VAC14: variants seen among roughly 807,000 people sequenced by gnomAD.
VAC14 encodes the protein protein VAC14 homolog.
A neutral mutation model predicts 85.3 loss-of-function variants in VAC14; 47 were observed. The observed-to-expected ratio is 0.55, with a 90% CI of 0.44 to 0.70. VAC14 has a LOEUF of 0.70. Ranked by LOEUF, VAC14 falls within the 30% of genes least tolerant of loss-of-function variation. The pLI, the probability that VAC14 is intolerant of heterozygous loss-of-function variation, is 0.00. For missense variants in VAC14, 861 were observed against 1,004.3 expected (o/e 0.86, Z 1.93); for synonymous variants, 447 against 430.5 (o/e 1.04, Z -0.47).
chr16:70,788,023 T>G (rs2034149881), intron 1 of VAC14, among the ~76,000 whole-genome samples: 1 of 152,242 alleles, frequency 6.6e-6, no homozygotes, highest in African/African-American at 2.4e-5. Flanking sequence ...CTGCAGGCAC[T>G]CTCTCTCCTT....
intron 1 of VAC14, among the ~76,000 whole-genome samples, chr16:70,791,669 G>A (rs1021125847): frequency 1.7e-4 from 26 of 152,204 alleles, no homozygotes; most frequent in African/African-American, 6.3e-4. Context: ...ATAGGCATGA[G>A]CCACCATGCC....
intron 13 of VAC14, among the ~76,000 whole-genome samples, chr16:70,735,694 G>C (rs529137745): frequency 6.6e-6 from 1 of 152,218 alleles, no homozygotes; most frequent in Non-Finnish European, 1.5e-5. Flanking sequence ...GAACCTCCTA[G>C]ACAGCTCGCG....
At chr16:70,764,492 G>A (rs377556501) in intron 10 of VAC14, among the ~76,000 whole-genome samples, 5 of 152,142 alleles carry the variant, frequency 3.3e-5, no homozygotes, top group African/African-American at 1.2e-4. Context: ...CACTGGCCCC[G>A]TCAATCTCTT....
intron 9 of VAC14, among the ~76,000 whole-genome samples, chr16:70,780,356 T>A (rs1201557413): frequency 3.9e-5 from 6 of 152,180 alleles, no homozygotes; most frequent in Admixed American, 6.5e-5. Context: ...GCCAGGCTTC[T>A]TGGTGGCTGG....
At chr16:70,742,208 C>T (rs2030391068) in intron 13 of VAC14, among the ~76,000 whole-genome samples, 1 of 152,184 alleles carries the variant, frequency 6.6e-6, no homozygotes, top group Non-Finnish European at 1.5e-5. Context: ...GCTGTGGCGC[C>T]TGCTTCCTGG....
chr16:70,750,699 C>A (rs2031313801), intron 12 of VAC14, among the ~76,000 whole-genome samples: 1 of 152,140 alleles, frequency 6.6e-6, no homozygotes, highest in Non-Finnish European at 1.5e-5. Context: ...CAGGCTGTCG[C>A]CCCAGTGCAT....
intron 9 of VAC14, among the ~76,000 whole-genome samples, chr16:70,773,456 C>G (rs554785735): frequency 6.6e-6 from 1 of 152,128 alleles, no homozygotes; most frequent in African/African-American, 2.4e-5. Flanking sequence ...ATCAAGTTTC[C>G]TAAAGAGCCA....
intron 9 of VAC14, among the ~76,000 whole-genome samples, chr16:70,774,562 T>C (rs2033416453): frequency 6.6e-6 from 1 of 152,192 alleles, no homozygotes; most frequent in Admixed American, 6.5e-5. Context: ...AAAAATATTC[T>C]GTTTTCCCTC....
chr16:70,786,531 T>C, intron 1 of VAC14, 166 bp from the exon 2 acceptor site: 1 of 838,864 alleles, frequency 1.2e-6, no homozygotes, highest in Non-Finnish European at 1.8e-6. Context: ...GTCATCGTTG[T>C]TTCCCTATTC....
chr16:70,784,185 C>T lies in VAC14; in HGVS notation c.522G>A (p.Val174=). 6.2e-7 allele frequency: 1 copy of T among 1,614,170 alleles called. No individual in the cohort carries two copies. Among genetic ancestry groups the T allele is most frequent in the Non-Finnish European group, 8.5e-7 (1 of 1,180,028 alleles). The part of the protein sequence containing the change: ...IVTESNKFDL[V]SFIPLLRERI... ...TCTCTCGCAACAAGGGGATGAAGCT[C>T]ACCAGGTCAAACTTGTTGCTCTCAG... is the stretch of plus-strand genomic sequence containing the variant. The change falls in exon 5 of 19, where the codon GTG becomes GTA. Residue 174 remains valine (V), a synonymous_variant. Coordinates refer to ENST00000261776, the MANE Select transcript of VAC14 (RefSeq NM_018052.5).
intron 14 of VAC14, among the ~76,000 whole-genome samples, chr16:70,726,817 C>T (rs945871522): frequency 6.6e-6 from 1 of 152,184 alleles, no homozygotes; most frequent in Non-Finnish European, 1.5e-5. Flanking sequence ...GTTTTAAAGC[C>T]ACTGGCTTCA....
chr16:70,744,520 C>A lies in VAC14; in HGVS notation c.1431G>T (p.Thr477=), dbSNP rs376366585. ...GGCCATCGAGGGGGCCTGGGTCATC[C>A]GTCTGGCCTGCGGGGGAGGAAGCGA... The part of the protein sequence containing the change: ...AEIASSPAGQ[T]DDPGPLDGPD... Residue 477 remains threonine (T), a synonymous_variant, in exon 13 of 19, where the codon ACG becomes ACT. Coordinates refer to ENST00000261776, the MANE Select transcript of VAC14 (RefSeq NM_018052.5). The A allele has an allele frequency of 6.2e-7, 1 of 1,612,838 alleles. No homozygotes were observed. The highest frequency in any genetic ancestry group is 8.5e-7 in the Non-Finnish European group (1 of 1,179,646).
At chr16:70,737,393 G>C (rs1173556456) in intron 13 of VAC14, among the ~76,000 whole-genome samples, 1 of 152,156 alleles carries the variant, frequency 6.6e-6, no homozygotes, top group African/African-American at 2.4e-5. Flanking sequence ...GAGGGAGAGG[G>C]GGGCCCACAA....
At chr16:70,757,281 C>A (rs2031947229) in intron 12 of VAC14, among the ~76,000 whole-genome samples, 2 of 152,238 alleles carry the variant, frequency 1.3e-5, no homozygotes, top group Admixed American at 1.3e-4. Flanking sequence ...GGCTCCAATG[C>A]AGGTCCTCTG....
intron 12 of VAC14, among the ~76,000 whole-genome samples, chr16:70,760,960 A>AGGGTGTGTGT: frequency 1.8e-5 from 1 of 56,508 alleles, no homozygotes; most frequent in East Asian, 6.0e-4. Context: ...GCACGAAGAG[A>AGGGTGTGTGT]GGGTGTGTGT....
At chr16:70,733,155 T>C (rs959434582) in intron 13 of VAC14, among the ~76,000 whole-genome samples, 2 of 152,216 alleles carry the variant, frequency 1.3e-5, no homozygotes, top group African/African-American at 4.8e-5. Context: ...CTCACTTCCA[T>C]GGCCCCTAGC....
At chr16:70,792,013 C>T (rs1323506456) in intron 1 of VAC14, among the ~76,000 whole-genome samples, 1 of 152,212 alleles carries the variant, frequency 6.6e-6, no homozygotes, top group Non-Finnish European at 1.5e-5. Context: ...AAATGCACAT[C>T]AAGAAGGGCT....
chr16:70,741,090 G>T (rs2030247915), intron 13 of VAC14, among the ~76,000 whole-genome samples: 1 of 152,258 alleles, frequency 6.6e-6, no homozygotes, highest in Non-Finnish European at 1.5e-5. Context: ...TGCCTTCGGG[G>T]CAATCTCCCC....
At position 70,734,178 on chromosome 16, in the gene VAC14, G is replaced by A. The variant is rs905441105; in HGVS notation, c.1529-2551C>T. On this transcript the variant is annotated intron_variant, in intron 13 of 18. Transcript: ENST00000261776. ...CTAATAAACAGTGTCTTGCTCTGTT[G>A]CCCAGGCTGTAGTGCACTGAAGTGA... 4.6e-5 allele frequency among the ~76,000 whole-genome samples: 7 copies of A among 152,082 alleles called. No individual in the cohort carries two copies. In the South Asian group the frequency reaches 1.5e-3, roughly 32 times the overall value.
Sources: allele counts gnomAD v4.1 joint callset (sites outside exome capture counted in the v4.1 genomes callset), GRCh38; gene constraint gnomAD v4.1.1; transcripts MANE v1.5; gene names NCBI Gene and HGNC (gene_info 2026-07-23, HGNC 2026-07-21).